CDK17: variants seen among roughly 807,000 people sequenced by gnomAD.
The protein encoded by CDK17 is cyclin-dependent kinase 17.
A neutral mutation model predicts 77.6 loss-of-function variants in CDK17; 24 were observed. The observed-to-expected ratio is 0.31, with a 90% confidence interval of 0.22 to 0.44. CDK17 has a LOEUF of 0.44. Ranked by LOEUF, CDK17 falls within the 20% of genes least tolerant of loss-of-function variation. The pLI is 1.00. For synonymous variants in CDK17, 203 were observed against 210.4 expected (o/e 0.96, Z 0.30); for missense variants, 429 against 622.5 (o/e 0.69, Z 3.31).
At chr12:96,394,136 C>T (rs1048986387) in intron 1 of CDK17, among the ~76,000 whole-genome samples, 4 of 151,796 alleles carry the variant, frequency 2.6e-5, no homozygotes, top group Admixed American at 2.6e-4. Context: ...ATCCCAGCTA[C>T]TCGGGAGGCT....
intron 1 of CDK17, among the ~76,000 whole-genome samples, chr12:96,339,489 G>GA (rs1264367438): frequency 2.0e-5 from 3 of 151,490 alleles, no homozygotes; most frequent in Non-Finnish European, 4.4e-5. Context: ...AAATACCACT[G>GA]AACTGCACTT....
At chr12:96,388,087 T>C (rs1291292754) in intron 1 of CDK17, among the ~76,000 whole-genome samples, 1 of 151,804 alleles carries the variant, frequency 6.6e-6, no homozygotes, top group East Asian at 1.9e-4. Flanking sequence ...CTGGGCAACA[T>C]AGTGACATCT....
chr12:96,354,271 T>C (rs1953361585), intron 1 of CDK17, among the ~76,000 whole-genome samples: 1 of 152,206 alleles, frequency 6.6e-6, no homozygotes, highest in Non-Finnish European at 1.5e-5. Context: ...CTTTCCACAG[T>C]AGCAAATTTC....
At chr12:96,348,020 T>C (rs1016260313) in intron 1 of CDK17, among the ~76,000 whole-genome samples, 3 of 151,794 alleles carry the variant, frequency 2.0e-5, no homozygotes, top group African/African-American at 7.3e-5. Context: ...AAACACAACA[T>C]ACATAAGCAT....
intron 1 of CDK17, among the ~76,000 whole-genome samples, chr12:96,361,955 C>T (rs537954034): frequency 1.3e-5 from 2 of 152,292 alleles, no homozygotes; most frequent in East Asian, 1.9e-4. Context: ...TAGACCAAAT[C>T]TTCTTCTAGT....
intron 6 of CDK17, among the ~76,000 whole-genome samples, chr12:96,299,996 C>G (rs1284670665): frequency 1.3e-5 from 2 of 152,180 alleles, no homozygotes; most frequent in Non-Finnish European, 2.9e-5. Context: ...CATGGTGGCA[C>G]AGACAGTAGA....
intron 5 of CDK17, among the ~76,000 whole-genome samples, chr12:96,302,524 C>G (rs1952522090): frequency 6.6e-6 from 1 of 151,926 alleles, no homozygotes; most frequent in Non-Finnish European, 1.5e-5. Flanking sequence ...GGAAAAAACA[C>G]TATATTGAGA....
At chr12:96,297,188 A>G in intron 9 of CDK17, 82 bp downstream of exon 9, 1 of 800,078 alleles carries the variant, frequency 1.2e-6, no homozygotes, top group Non-Finnish European at 2.0e-6. Flanking sequence ...AAGAAGAGTT[A>G]TGAGGCTGGT....
chr12:96,293,607 T>C (rs1952358147), intron 10 of CDK17, among the ~76,000 whole-genome samples: 1 of 152,216 alleles, frequency 6.6e-6, no homozygotes, highest in Non-Finnish European at 1.5e-5. Context: ...AAAAGCTATG[T>C]GTTAACAAAA....
At chr12:96,329,875 C>T (rs573156077) in intron 2 of CDK17, among the ~76,000 whole-genome samples, 2 of 152,268 alleles carry the variant, frequency 1.3e-5, no homozygotes, top group Admixed American at 6.5e-5. Context: ...AGTGTACAAA[C>T]GGAGCTGTTA....
chr12:96,308,897 GCTTT>G lies in CDK17; in HGVS notation c.543+2151_543+2154del, dbSNP rs553907084. Among the ~76,000 whole-genome samples the G allele has an allele frequency of 1.5e-4, 23 of 151,924 alleles. No homozygotes were observed. In the South Asian group the frequency reaches 4.8e-3, roughly 32 times the overall value. On this transcript the variant is annotated intron_variant, in intron 5 of 16. Coordinates refer to ENST00000261211, the MANE Select transcript of CDK17 (RefSeq NM_002595.5). The stretch of plus-strand genomic sequence containing the variant: ...TCCTGGTCCCTAGGATTTATGTTCT[GCTTT>G]CTATTTCCATCTGATTGCCACATCA...
chr12:96,294,387 T>A (rs1410189871), intron 10 of CDK17, among the ~76,000 whole-genome samples: 1 of 150,222 alleles, frequency 6.7e-6, no homozygotes, highest in African/African-American at 2.5e-5. Context: ...AGGTCAGGAG[T>A]TCGAGATCAG....
At chr12:96,326,857 G>A (rs1276571716) in intron 2 of CDK17, among the ~76,000 whole-genome samples, 1 of 152,192 alleles carries the variant, frequency 6.6e-6, no homozygotes, top group African/African-American at 2.4e-5. Flanking sequence ...GAGGGAACAA[G>A]TCATTCAACA....
At chr12:96,370,826 T>TA (rs1379162056) in intron 1 of CDK17, among the ~76,000 whole-genome samples, 1 of 152,216 alleles carries the variant, frequency 6.6e-6, no homozygotes, top group African/African-American at 2.4e-5. Flanking sequence ...GTTAACTTCG[T>TA]AATGTTTGTT....
At chr12:96,399,472 G>A (rs996181316) in intron 1 of CDK17, 14 of 152,222 alleles carry the variant, frequency 9.2e-5, no homozygotes, top group Middle Eastern at 3.2e-3. Context: ...CACAGCGCCA[G>A]CGTCTCCAAG....
At chr12:96,293,278 A>G (rs1952351857) in intron 10 of CDK17, among the ~76,000 whole-genome samples, 1 of 151,994 alleles carries the variant, frequency 6.6e-6, no homozygotes, top group African/African-American at 2.4e-5. Flanking sequence ...GCTTCAAGTG[A>G]TCCTCTCACC....
At position 96,279,467 on chromosome 12, in the gene CDK17, AG is replaced by A. The variant is rs1302458402; in HGVS notation, c.*774del. 2 of 152,238 alleles carry A rather than the reference AG, an allele frequency of 1.3e-5. No homozygotes were observed. Among genetic ancestry groups the A allele is most frequent in the Non-Finnish European group, 2.9e-5 (2 of 68,024 alleles). The allele number at this position is 152,238 out of a possible 1,614,324, so 9.4% of individuals were successfully genotyped here. A position where few individuals can be genotyped will look rare whatever the true frequency, so the allele number is the denominator to read the frequency against. ...CTAAATTTAAAACACAATGTAAAATAGGTAAGTGTATTAGTATACAAATATC... is the reference window on the plus strand; with the variant it reads ...CTAAATTTAAAACACAATGTAAAATAGTAAGTGTATTAGTATACAAATATC... On this transcript the variant is annotated 3_prime_UTR_variant, in exon 17 of 17. Coordinates refer to ENST00000261211, the MANE Select transcript of CDK17 (RefSeq NM_002595.5).
In CDK17 at chr12:96,278,965, G is replaced by A. The variant is rs3087520; in HGVS notation, c.*1277C>T. 107 of 152,364 alleles carry A rather than the reference G, an allele frequency of 7.0e-4. 2 individuals carry two copies. The highest frequency in any genetic ancestry group is 6.9e-3 in the Admixed American group (105 of 15,272). 9.4% of individuals were successfully genotyped at this position (152,364 alleles called of 1,614,324 possible). A position where few individuals can be genotyped will look rare whatever the true frequency, so the allele number is the denominator to read the frequency against. On this transcript the variant is annotated 3_prime_UTR_variant, in exon 17 of 17. Coordinates refer to ENST00000261211, the MANE Select transcript of CDK17 (RefSeq NM_002595.5). The stretch of plus-strand genomic sequence containing the variant: ...CCTGAATGTTTTACAGTGAATTTCA[G>A]GAAAAGAAATTAAGTTATGACTATT...
At chr12:96,297,512 C>A in intron 8 of CDK17, 115 bp downstream of exon 8, 1 of 831,328 alleles carries the variant, frequency 1.2e-6, no homozygotes, top group South Asian at 1.6e-5. Context: ...GTTAAAAAGT[C>A]CAATTTAGCT....
Sources: allele counts gnomAD v4.1 joint callset (sites outside exome capture counted in the v4.1 genomes callset), GRCh38; gene constraint gnomAD v4.1.1; transcripts MANE v1.5; gene names NCBI Gene and HGNC (gene_info 2026-07-23, HGNC 2026-07-21).